NMU: variants seen among roughly 807,000 people sequenced by gnomAD.
The protein encoded by NMU is neuromedin-U.
NMU carries 29 observed loss-of-function variants against 35.4 expected under a neutral mutation model. The observed-to-expected ratio is 0.82, with a 90% CI of 0.61 to 1.12. NMU has a LOEUF of 1.12. NMU is among the 50% of genes most tolerant of loss of function. NMU has a pLI of 0.00. For synonymous variants in NMU, 78 were observed against 81.3 expected (o/e 0.96, Z 0.22); for missense variants, 199 against 206.2 (o/e 0.97, Z 0.21).
intron 9 of NMU, among the ~76,000 whole-genome samples, chr4:55,597,430 G>A (rs553094464): frequency 2.6e-5 from 4 of 151,840 alleles, no homozygotes; most frequent in Admixed American, 6.6e-5. Context: ...GTACAATGGT[G>A]CAGTCTTGGC....
intron 9 of NMU, 40 bp downstream of exon 9, chr4:55,599,102 C>T (rs759773976): frequency 8.9e-6 from 12 of 1,344,982 alleles, no homozygotes; most frequent in Admixed American, 8.6e-5. Flanking sequence ...GAAATGCATA[C>T]TATTTTATTT....
chr4:55,636,282 G>C lies in NMU; in HGVS notation c.-90C>G. 2 of 1,397,870 alleles carry C rather than the reference G, an allele frequency of 1.4e-6. No homozygotes were observed. Among genetic ancestry groups the C allele is most frequent in the Non-Finnish European group, 1.8e-6 (2 of 1,085,140 alleles). The allele number at this position is 1,397,870 out of a possible 1,614,324, so 86.6% of individuals were successfully genotyped here. A position where few individuals can be genotyped will look rare whatever the true frequency, so the allele number is the denominator to read the frequency against. ...ACCTGGTGCCCTGGCTGTGCCTCGG[G>C]GCCCGGACACAGGACTGAGCGCCCG... On this transcript the variant is annotated 5_prime_UTR_variant, in exon 1 of 10. Coordinates refer to ENST00000264218, the MANE Select transcript of NMU (RefSeq NM_006681.4). This position sits in a 1 kb window ranked among gnomAD's most constrained non-coding sequence, Gnocchi z 4.0.
chr4:55,607,671 GTGCATAAAGATCTCTTTAC>G (rs1207388513), intron 4 of NMU, among the ~76,000 whole-genome samples: 1 of 152,116 alleles, frequency 6.6e-6, no homozygotes, highest in Admixed American at 6.5e-5. Flanking sequence ...AAATAAAGAT[GTGCATAAAGATCTCTTTAC>G]TGCAACTTTA....
intron 2 of NMU, among the ~76,000 whole-genome samples, chr4:55,618,181 G>A (rs1213560425): frequency 2.0e-5 from 3 of 152,102 alleles, no homozygotes; most frequent in Admixed American, 2.0e-4. Context: ...TAGTGCCTGG[G>A]TAGCTCTGTA....
intron 3 of NMU, among the ~76,000 whole-genome samples, chr4:55,609,747 A>G (rs1577945373): frequency 6.6e-6 from 1 of 152,282 alleles, no homozygotes; most frequent in South Asian, 2.1e-4. Flanking sequence ...TCGAGCACAG[A>G]AGTAGGGCAG....
At chr4:55,602,097 T>C (rs1733452333) in intron 7 of NMU, among the ~76,000 whole-genome samples, 1 of 152,110 alleles carries the variant, frequency 6.6e-6, no homozygotes. Context: ...ATGTGCCAAA[T>C]ACAAACTTCC....
At chr4:55,611,050 G>C (rs1733909153) in intron 3 of NMU, among the ~76,000 whole-genome samples, 1 of 150,756 alleles carries the variant, frequency 6.6e-6, no homozygotes, top group African/African-American at 2.4e-5. Flanking sequence ...CATTACAAAA[G>C]AGAAAAAAGT....
At chr4:55,629,092 T>C (rs775814939) in intron 2 of NMU, among the ~76,000 whole-genome samples, 1 of 152,202 alleles carries the variant, frequency 6.6e-6, no homozygotes, top group East Asian at 1.9e-4. Flanking sequence ...ATATTTGTTA[T>C]ACTTTGTTAT....
At chr4:55,605,174 T>C in intron 7 of NMU, 101 bp downstream of exon 7, 1 of 834,706 alleles carries the variant, frequency 1.2e-6, no homozygotes, top group East Asian at 2.4e-5. Context: ...TGTGGGCTTA[T>C]CCTGAAGAGC....
intron 2 of NMU, among the ~76,000 whole-genome samples, chr4:55,619,496 C>G (rs1734283025): frequency 7.1e-6 from 1 of 141,338 alleles, no homozygotes; most frequent in Non-Finnish European, 1.5e-5. Context: ...ATATCCCACA[C>G]CTGGCTCAGA....
intron 2 of NMU, among the ~76,000 whole-genome samples, chr4:55,618,356 C>T (rs1017666321): frequency 6.6e-5 from 10 of 152,026 alleles, no homozygotes; most frequent in African/African-American, 2.4e-4. Context: ...TGTCTTAATG[C>T]TCTCCCTCCC....
chr4:55,616,828 A>G (rs1734123663), intron 2 of NMU, among the ~76,000 whole-genome samples: 1 of 152,166 alleles, frequency 6.6e-6, no homozygotes. Flanking sequence ...CATACCAGAA[A>G]AATTGTTCAT....
intron 3 of NMU, among the ~76,000 whole-genome samples, chr4:55,615,620 T>C (rs1734084258): frequency 1.3e-5 from 2 of 152,230 alleles, no homozygotes. Context: ...AGATACAGTA[T>C]TTTAAATTTT....
intron 4 of NMU, 119 bp downstream of exon 4, chr4:55,609,001 T>C (rs1733818685): frequency 1.2e-6 from 1 of 804,150 alleles, no homozygotes; most frequent in African/African-American, 1.7e-5. Context: ...AAAAACAATT[T>C]TTCCTCTTCT....
intron 2 of NMU, among the ~76,000 whole-genome samples, chr4:55,628,240 T>C (rs970111870): frequency 6.6e-5 from 10 of 152,222 alleles, no homozygotes; most frequent in African/African-American, 2.4e-4. Context: ...CAATGGTTTT[T>C]AGTGTATTTA....
chr4:55,636,329 C>T (rs1188888415), upstream of NMU: 6 of 1,288,242 alleles, frequency 4.7e-6, no homozygotes, highest in African/African-American at 4.7e-5. The surrounding 1 kb of genome is among the most constrained non-coding windows in gnomAD (Gnocchi z 4.0). Context: ...ACTTTTAAAT[C>T]TCGCGCACAA....
chr4:55,608,108 G>A (rs1322966688), intron 4 of NMU, among the ~76,000 whole-genome samples: 5 of 150,092 alleles, frequency 3.3e-5, no homozygotes, highest in Non-Finnish European at 1.5e-5. Context: ...CTGGGAGGCG[G>A]AGCTTGCAGT....
At chr4:55,614,898 A>T (rs746364721) in intron 3 of NMU, among the ~76,000 whole-genome samples, 18 of 152,242 alleles carry the variant, frequency 1.2e-4, no homozygotes, top group Non-Finnish European at 7.3e-5. Flanking sequence ...GTTCAAAAAC[A>T]TCATCTATTG....
At chr4:55,619,919 A>G (rs78688267) in intron 2 of NMU, among the ~76,000 whole-genome samples, 3 of 118,274 alleles carry the variant, frequency 2.5e-5, no homozygotes, top group Admixed American at 1.8e-4. Flanking sequence ...ACACCTCACA[A>G]GGCAGGGTAT....
Sources: allele counts gnomAD v4.1 joint callset (sites outside exome capture counted in the v4.1 genomes callset), GRCh38; gene constraint gnomAD v4.1.1; non-coding constraint Gnocchi (gnomAD v3.1); transcripts MANE v1.5; gene names NCBI Gene and HGNC (gene_info 2026-07-23, HGNC 2026-07-21).